Variants in MACROH2A2 observed in about 807,000 individuals in gnomAD.
MACROH2A2 encodes core histone macro-H2A.2.
MACROH2A2 carries 6 observed loss-of-function variants against 37.6 expected under a neutral mutation model. The observed-to-expected ratio is 0.16, with a 90% confidence interval of 0.09 to 0.32. The LOEUF (loss-of-function observed/expected upper bound fraction) is 0.32, where lower values mean the gene tolerates loss of function less well. MACROH2A2 is among the 10% of genes least tolerant of loss of function. The pLI, the probability that MACROH2A2 is intolerant of heterozygous loss-of-function variation, is 1.00. For synonymous variants in MACROH2A2, 192 were observed against 202.7 expected (o/e 0.95, Z 0.45); for missense variants, 290 against 485.9 (o/e 0.60, Z 3.79).
intron 2 of MACROH2A2, among the ~76,000 whole-genome samples, chr10:70,076,564 A>T (rs1446935781): frequency 1.3e-5 from 2 of 152,168 alleles, no homozygotes; most frequent in Non-Finnish European, 2.9e-5. Flanking sequence ...GCTTTTCAGA[A>T]GTATTTACAA....
Position 70,073,404 on chromosome 10 carries a change from C to T in MACROH2A2, c.-59-2196C>T, listed in dbSNP as rs139723635. Among the ~76,000 whole-genome samples the T allele has an allele frequency of 4.0e-3, 608 of 152,252 alleles. 4 individuals are homozygous for T. The highest frequency in any genetic ancestry group is 0.014 in the African/African-American group (572 of 41,554). On this transcript the variant is annotated intron_variant, in intron 1 of 8. Transcript: ENST00000373255. ...TTGTTTCTTCCAGATGAAGAAACAA[C>T]GTGATAAAACAACATGGCAACATTG...
At chr10:70,111,278 A>AAATT (rs558696690) in intron 8 of MACROH2A2, among the ~76,000 whole-genome samples, 212 of 152,252 alleles carry the variant, frequency 1.4e-3, no homozygotes, top group African/African-American at 4.8e-3. Context: ...CAAAACAAAT[A>AAATT]AATTAATTTA....
chr10:70,065,140 A>G (rs1333891919), intron 1 of MACROH2A2, among the ~76,000 whole-genome samples: 1 of 151,012 alleles, frequency 6.6e-6, no homozygotes, highest in Non-Finnish European at 1.5e-5. Flanking sequence ...TCTACCTCCC[A>G]GGTTCAAGTG....
intron 1 of MACROH2A2, among the ~76,000 whole-genome samples, chr10:70,058,030 G>A (rs191920422): frequency 5.9e-5 from 9 of 152,230 alleles, no homozygotes; most frequent in African/African-American, 1.7e-4. Context: ...GTAGCTTTCC[G>A]ATGATTCTCA....
chr10:70,093,453 C>G (rs2072257941), intron 4 of MACROH2A2, among the ~76,000 whole-genome samples: 1 of 152,192 alleles, frequency 6.6e-6, no homozygotes, highest in African/African-American at 2.4e-5. Context: ...GAGCTGCAGG[C>G]ATTGAAATGA....
chr10:70,089,981 T>A (rs978393999), intron 2 of MACROH2A2, 79 bp from the exon 3 acceptor site: 11 of 897,222 alleles, frequency 1.2e-5, no homozygotes, highest in Non-Finnish European at 2.1e-5. Flanking sequence ...GTGATCAAAC[T>A]TGAAGGCCAT....
chr10:70,101,463 G>A lies in MACROH2A2; in HGVS notation c.778+1166G>A, dbSNP rs190854517. ...GTTTTATGCCCTGGGCTTAGATTAT[G>A]GTGTGTCAGGGTGGCCTTCCACCCT... On this transcript the variant is annotated intron_variant, in intron 7 of 8. Coordinates refer to ENST00000373255, the MANE Select transcript of MACROH2A2 (RefSeq NM_018649.3). Among the ~76,000 whole-genome samples, 16 of 151,900 alleles carry A rather than the reference G, an allele frequency of 1.1e-4. No individual in the cohort carries two copies. In the East Asian group the frequency reaches 2.3e-3, roughly 22 times the overall value.
chr10:70,086,249 T>C (rs1019424478), intron 2 of MACROH2A2, among the ~76,000 whole-genome samples: 8 of 151,536 alleles, frequency 5.3e-5, no homozygotes, highest in Non-Finnish European at 1.2e-4. Flanking sequence ...ATAAGAACTA[T>C]TTGATGTAGA....
chr10:70,110,499 A>G (rs1031589352), intron 8 of MACROH2A2, among the ~76,000 whole-genome samples: 3 of 152,194 alleles, frequency 2.0e-5, no homozygotes, highest in African/African-American at 4.8e-5. Flanking sequence ...AGCTAATAAA[A>G]CTTCTGTTTG....
rs373408152 is a variant in MACROH2A2, at chr10:70,100,174, A to C, written c.689-34A>C. ...AACAGTGTAATTAGATTGAAAGAACAACCACAGTGGCTTCCCATTGCTCTC... is the reference window on the plus strand; with the variant it reads ...AACAGTGTAATTAGATTGAAAGAACCACCACAGTGGCTTCCCATTGCTCTC... On this transcript the variant is annotated intron_variant, in intron 6 of 8. Transcript: ENST00000373255. 74 of 1,149,068 alleles carry C rather than the reference A, an allele frequency of 6.4e-5. No homozygotes were observed. In the African/African-American group the frequency reaches 9.1e-4, roughly 14 times the overall value. 71.2% of individuals were successfully genotyped at this position (1,149,068 alleles called of 1,614,324 possible). A position where few individuals can be genotyped will look rare whatever the true frequency, so the allele number is the denominator to read the frequency against.
intron 7 of MACROH2A2, among the ~76,000 whole-genome samples, chr10:70,108,706 C>CT (rs2072351910): frequency 6.6e-6 from 1 of 152,202 alleles, no homozygotes. Flanking sequence ...CTGCCACAGC[C>CT]ACCAGAGAGG....
chr10:70,099,441 G>A (rs958426646), intron 6 of MACROH2A2: 3 of 152,254 alleles, frequency 2.0e-5, no homozygotes, highest in Non-Finnish European at 2.9e-5. Flanking sequence ...AAGTTCATTC[G>A]AAGATGAAAA....
chr10:70,065,795 G>A (rs996382020), intron 1 of MACROH2A2, among the ~76,000 whole-genome samples: 13 of 152,082 alleles, frequency 8.5e-5, no homozygotes, highest in African/African-American at 2.9e-4. Context: ...ATTGGCAGTG[G>A]GTTGAGGGGG....
chr10:70,106,440 GCACTA>G (rs2072338017), intron 7 of MACROH2A2, among the ~76,000 whole-genome samples: 1 of 152,138 alleles, frequency 6.6e-6, no homozygotes, highest in Non-Finnish European at 1.5e-5. Flanking sequence ...ATGTCATCGT[GCACTA>G]CCCTGAAAGT....
At chr10:70,083,090 G>T (rs1210672717) in intron 2 of MACROH2A2, among the ~76,000 whole-genome samples, 2 of 152,098 alleles carry the variant, frequency 1.3e-5, no homozygotes, top group Admixed American at 6.5e-5. Context: ...CCCTGCAGGA[G>T]GGGGAGAGCT....
intron 1 of MACROH2A2, among the ~76,000 whole-genome samples, chr10:70,071,345 G>A (rs1413612895): frequency 6.6e-6 from 1 of 152,140 alleles, no homozygotes; most frequent in African/African-American, 2.4e-5. Context: ...GCACCTTTAT[G>A]AGCCTGTGTA....
At chr10:70,088,867 G>T (rs1285305483) in intron 2 of MACROH2A2, among the ~76,000 whole-genome samples, 1 of 152,224 alleles carries the variant, frequency 6.6e-6, no homozygotes, top group Non-Finnish European at 1.5e-5. Context: ...ACTTTGGGAG[G>T]CCCAGGCGGG....
At chr10:70,078,205 G>T (rs1330998909) in intron 2 of MACROH2A2, among the ~76,000 whole-genome samples, 1 of 152,192 alleles carries the variant, frequency 6.6e-6, no homozygotes, top group Non-Finnish European at 1.5e-5. Flanking sequence ...AAGAGCATTT[G>T]TTGAGCATCT....
chr10:70,093,210 A>G (rs920860447), intron 4 of MACROH2A2, among the ~76,000 whole-genome samples: 4 of 152,236 alleles, frequency 2.6e-5, no homozygotes, highest in Non-Finnish European at 5.9e-5. Flanking sequence ...ACTAAATCAA[A>G]TTTAAAATTC....
Sources: allele counts gnomAD v4.1 joint callset (sites outside exome capture counted in the v4.1 genomes callset), GRCh38; gene constraint gnomAD v4.1.1; transcripts MANE v1.5; gene names NCBI Gene and HGNC (gene_info 2026-07-23, HGNC 2026-07-21).